Variants in OLFM1 observed in about 807,000 individuals in gnomAD.
OLFM1 encodes noelin.
OLFM1 carries 9 observed loss-of-function variants against 49.7 expected under a neutral mutation model. The observed-to-expected ratio is 0.18, with a 90% CI of 0.11 to 0.32. OLFM1 has a LOEUF of 0.32. Among genes scored for constraint, OLFM1 ranks in the 10% least tolerant of loss-of-function variants. The pLI is 1.00. For missense variants in OLFM1, 369 were observed against 661.8 expected (o/e 0.56, Z 4.85); for synonymous variants, 240 against 271.8 (o/e 0.88, Z 1.15).
At chr9:135,093,279 G>A (rs988912641) in intron 2 of OLFM1, among the ~76,000 whole-genome samples, 2 of 152,208 alleles carry the variant, frequency 1.3e-5, no homozygotes, top group Admixed American at 6.5e-5. Context: ...CGTGTGGCAC[G>A]GGCTCCGTTC....
intron 5 of OLFM1, among the ~76,000 whole-genome samples, chr9:135,111,377 G>C (rs563266389): frequency 6.6e-6 from 1 of 152,182 alleles, no homozygotes; most frequent in African/African-American, 2.4e-5. Context: ...GGGTGGCCTC[G>C]CTCGCCGTCT....
chr9:135,076,219 CCT>C (rs1830464185), intron 1 of OLFM1: 1 of 1,550,622 alleles, frequency 6.4e-7, no homozygotes, highest in Non-Finnish European at 8.7e-7. Context: ...AACACACACC[CCT>C]GAGTGGCTCA....
chr9:135,089,710 G>A (rs1019838218), intron 1 of OLFM1, among the ~76,000 whole-genome samples: 2 of 152,172 alleles, frequency 1.3e-5, no homozygotes, highest in Non-Finnish European at 1.5e-5. Context: ...TGGGTGCTTC[G>A]TCTGCAAGTG....
chr9:135,089,877 C>G (rs1046797101), intron 1 of OLFM1, among the ~76,000 whole-genome samples: 5 of 152,192 alleles, frequency 3.3e-5, no homozygotes, highest in Non-Finnish European at 5.9e-5. Flanking sequence ...AGTTGCCCCT[C>G]CCATCCACCC....
intron 2 of OLFM1, among the ~76,000 whole-genome samples, chr9:135,091,849 ACATAGTCACACACACT>A (rs1830716744): frequency 7.8e-6 from 1 of 127,420 alleles, no homozygotes; most frequent in Admixed American, 7.2e-5. Flanking sequence ...ACACACTCAC[ACATAGTCACACACACT>A]CACACACAGT....
intron 4 of OLFM1, among the ~76,000 whole-genome samples, chr9:135,100,256 A>G (rs1830852537): frequency 6.6e-6 from 1 of 152,224 alleles, no homozygotes; most frequent in African/African-American, 2.4e-5. Context: ...GTGAGAAGCC[A>G]AGGGCCTTTC....
At chr9:135,118,654 G>C (rs1189053879) in intron 5 of OLFM1, among the ~76,000 whole-genome samples, 1 of 150,302 alleles carries the variant, frequency 6.7e-6, no homozygotes. Context: ...TGCTCACTGG[G>C]TCTTTGGAGT....
At chr9:135,101,776 G>C (rs1361013846) in intron 4 of OLFM1, among the ~76,000 whole-genome samples, 1 of 152,232 alleles carries the variant, frequency 6.6e-6, no homozygotes, top group Non-Finnish European at 1.5e-5. Flanking sequence ...AAGCGTGAGG[G>C]TCAGTGCACG....
upstream of OLFM1, chr9:135,086,839 C>G (rs1046488696): frequency 5.0e-6 from 2 of 400,726 alleles, no homozygotes; most frequent in Non-Finnish European, 1.0e-5. Flanking sequence ...AGTAAGGACA[C>G]CCCCCAACCC....
At chr9:135,112,844 G>C (rs1831041738) in intron 5 of OLFM1, among the ~76,000 whole-genome samples, 1 of 152,206 alleles carries the variant, frequency 6.6e-6, no homozygotes, top group Non-Finnish European at 1.5e-5. Flanking sequence ...TCCCTGAGGG[G>C]GAGAAGGAAG....
intron 2 of OLFM1, among the ~76,000 whole-genome samples, chr9:135,091,615 A>T (rs1309526692): frequency 3.0e-5 from 4 of 132,908 alleles, no homozygotes; most frequent in Non-Finnish European, 6.5e-5. Flanking sequence ...ATAGTCACAC[A>T]GTCACACACA....
chr9:135,091,445 A>G (rs866143166), intron 2 of OLFM1, among the ~76,000 whole-genome samples: 28 of 142,196 alleles, frequency 2.0e-4, no homozygotes, highest in Admixed American at 5.5e-4. Context: ...ACTCACACAT[A>G]GTCACACACA....
chr9:135,079,498 A>G lies in OLFM1; in HGVS notation c.96+3696A>G, dbSNP rs546501372. Among the ~76,000 whole-genome samples, 12 of 152,308 alleles carry G rather than the reference A, an allele frequency of 7.9e-5. No homozygotes were observed. In the East Asian group the frequency reaches 2.1e-3, roughly 27 times the overall value. On this transcript the variant is annotated intron_variant, in intron 1 of 5. Transcript: ENST00000252854. ...CAGACGCCTATAATCCCAGCTACTC[A>G]GGAGACTGAGGGAGGAGAATCACTT...
intron 5 of OLFM1, among the ~76,000 whole-genome samples, chr9:135,110,291 A>G (rs1831004285): frequency 6.6e-6 from 1 of 152,050 alleles, no homozygotes; most frequent in Admixed American, 6.5e-5. Flanking sequence ...AGAGCCCAAC[A>G]TCTGCCTCCT....
chr9:135,115,050 G>A (rs1831078487), intron 5 of OLFM1, among the ~76,000 whole-genome samples: 1 of 152,166 alleles, frequency 6.6e-6, no homozygotes, highest in Non-Finnish European at 1.5e-5. Context: ...GCCCTATTTG[G>A]GACAATTTCC....
chr9:135,079,513 G>A (rs755506212), intron 1 of OLFM1, among the ~76,000 whole-genome samples: 5 of 152,158 alleles, frequency 3.3e-5, no homozygotes, highest in Non-Finnish European at 7.3e-5. Flanking sequence ...ACTGAGGGAG[G>A]AGAATCACTT....
At chr9:135,076,363 G>A (rs1830466357) in intron 1 of OLFM1, 1 of 1,530,906 alleles carries the variant, frequency 6.5e-7, no homozygotes, top group Non-Finnish European at 8.8e-7. Context: ...TGCAGGGCTT[G>A]GGGGGCTGTG....
intron 5 of OLFM1, among the ~76,000 whole-genome samples, chr9:135,115,106 G>A (rs1831079926): frequency 6.6e-6 from 1 of 152,184 alleles, no homozygotes; most frequent in East Asian, 1.9e-4. Context: ...AGACCGCTAG[G>A]GCCACAAAAG....
chr9:135,088,829 G>A lies in OLFM1; in HGVS notation c.150+690G>A, dbSNP rs556797912. Among the ~76,000 whole-genome samples, 17 of 152,300 alleles carry A rather than the reference G, an allele frequency of 1.1e-4. No homozygotes were observed. In the East Asian group the frequency reaches 3.3e-3, roughly 29 times the overall value. On this transcript the variant is annotated intron_variant, in intron 1 of 5. Transcript: ENST00000371793. The surrounding 1 kb of genome is among the most constrained non-coding windows in gnomAD (Gnocchi z 4.8). ...TCGCCTTTGCCTTCGTCTTCTGCGCGCACCCCTCCCTCCTGGCCTCTGAAA... is the reference window on the plus strand; with the variant it reads ...TCGCCTTTGCCTTCGTCTTCTGCGCACACCCCTCCCTCCTGGCCTCTGAAA...
Sources: gnomAD v4.1 joint callset for allele counts (sites outside exome capture counted in the v4.1 genomes callset) on GRCh38, gnomAD v4.1.1 for gene constraint, Gnocchi (gnomAD v3.1) non-coding constraint, MANE v1.5 for transcripts, NCBI Gene and HGNC (gene_info 2026-07-23, HGNC 2026-07-21) for gene names.